The following FRAS1 variants were observed in gnomAD, a reference collection of about 807,000 sequenced individuals.
FRAS1 encodes Fraser extracellular matrix complex subunit 1.
FRAS1 carries 290 observed loss-of-function variants against 435.2 expected under a neutral mutation model. That is an observed-to-expected ratio of 0.67 (90% CI 0.61 to 0.73). The LOEUF is 0.73. Ranked by LOEUF, FRAS1 falls within the 30% of genes least tolerant of loss-of-function variation. The pLI, the probability that FRAS1 is intolerant of heterozygous loss-of-function variation, is 0.00. For synonymous variants in FRAS1, 1,800 were observed against 1,851.0 expected (o/e 0.97, Z 0.71); for missense variants, 4,860 against 5,001.5 (o/e 0.97, Z 0.85).
At chr4:78,132,448 A>G (rs114401966) in intron 2 of FRAS1, among the ~76,000 whole-genome samples, 1,551 of 152,332 alleles carry the variant, frequency 0.01, 29 homozygotes, top group African/African-American at 0.035. Flanking sequence ...AGTGCTCATC[A>G]TAAGCCCATA....
At chr4:78,079,362 G>C (rs1446446358) in intron 2 of FRAS1, among the ~76,000 whole-genome samples, 1 of 152,078 alleles carries the variant, frequency 6.6e-6, no homozygotes, top group African/African-American at 2.4e-5. Context: ...CAGATAGATG[G>C]GGTGGAATCA....
At chr4:78,364,861 A>G (rs543242110) in intron 22 of FRAS1, among the ~76,000 whole-genome samples, 6 of 152,362 alleles carry the variant, frequency 3.9e-5, no homozygotes, top group South Asian at 2.1e-4. Context: ...ACCATGCTGA[A>G]GGAATTGTGG....
chr4:78,444,734 A>G (rs1718736923), intron 41 of FRAS1, among the ~76,000 whole-genome samples: 1 of 152,184 alleles, frequency 6.6e-6, no homozygotes, highest in Non-Finnish European at 1.5e-5. Context: ...GGCCTTTTGC[A>G]GTGTTTGGGG....
Position 78,543,581 on chromosome 4 carries a change from C to T in FRAS1, c.*2457C>T, listed in dbSNP as rs1722121610. On this transcript the variant is annotated 3_prime_UTR_variant, in exon 74 of 74. Coordinates refer to ENST00000512123, the MANE Select transcript of FRAS1 (RefSeq NM_025074.7). ...AAGCCCTTGCAGTATTTCTGCCTCC[C>T]TTTCTTTCTGCCTTTCACCCCACTA... is the stretch of plus-strand genomic sequence containing the variant. 6.6e-6 allele frequency: 1 copy of T among 152,218 alleles called. No individual in the cohort carries two copies. The highest frequency in any genetic ancestry group is 2.1e-4 in the South Asian group (1 of 4,838). The allele number at this position is 152,218 out of a possible 1,614,324, so 9.4% of individuals were successfully genotyped here. A position where few individuals can be genotyped will look rare whatever the true frequency, so the allele number is the denominator to read the frequency against.
At chr4:78,406,713 T>C (rs375701115) in intron 30 of FRAS1, among the ~76,000 whole-genome samples, 1 of 152,140 alleles carries the variant, frequency 6.6e-6, no homozygotes, top group African/African-American at 2.4e-5. Context: ...TATTATTTTC[T>C]TTTTACGAAT....
intron 2 of FRAS1, among the ~76,000 whole-genome samples, chr4:78,209,068 C>A (rs1723390658): frequency 6.6e-6 from 1 of 151,872 alleles, no homozygotes; most frequent in Non-Finnish European, 1.5e-5. Flanking sequence ...TTTCTTGAGC[C>A]AGGGAGGTCA....
intron 2 of FRAS1, among the ~76,000 whole-genome samples, chr4:78,227,309 T>A (rs1266101296): frequency 6.6e-6 from 1 of 152,222 alleles, no homozygotes; most frequent in Non-Finnish European, 1.5e-5. Flanking sequence ...TGCAGTTATG[T>A]CTCACTCATT....
chr4:78,504,984 A>G (rs997120328), intron 61 of FRAS1, among the ~76,000 whole-genome samples: 12 of 152,278 alleles, frequency 7.9e-5, no homozygotes, highest in African/African-American at 2.4e-4. Context: ...TCACTTATGA[A>G]GCTTAGTTTG....
intron 20 of FRAS1, among the ~76,000 whole-genome samples, chr4:78,361,432 G>T (rs374521715): frequency 6.6e-6 from 1 of 152,306 alleles, no homozygotes; most frequent in South Asian, 2.1e-4. Flanking sequence ...CTTGTAATTT[G>T]TAACTCCCAA....
chr4:78,167,910 A>G (rs949592882), intron 2 of FRAS1, among the ~76,000 whole-genome samples: 13 of 152,086 alleles, frequency 8.5e-5, no homozygotes, highest in Admixed American at 6.5e-4. Context: ...CTAAGGTGAT[A>G]TTAGTGTACT....
At chr4:78,396,448 GT>G in intron 29 of FRAS1, among the ~76,000 whole-genome samples, 1 of 152,308 alleles carries the variant, frequency 6.6e-6, no homozygotes, top group Admixed American at 6.5e-5. Flanking sequence ...CTCAGCCTTT[GT>G]CTGGGAAAGG....
chr4:78,345,250 G>A (rs575912580), intron 20 of FRAS1, among the ~76,000 whole-genome samples: 1 of 152,180 alleles, frequency 6.6e-6, no homozygotes, highest in East Asian at 1.9e-4. Context: ...ATCATCCCCG[G>A]AAGCCCCCCT....
In FRAS1 at chr4:78,419,048, C is replaced by G. The variant is rs775886221; in HGVS notation, c.4525C>G (p.Leu1509Val). 2 of 1,564,118 alleles carry G rather than the reference C, an allele frequency of 1.3e-6. No homozygotes were observed. The highest frequency in any genetic ancestry group is 2.4e-5 in the South Asian group (2 of 82,250). ...GATTGTCTACAACATCACTCTACCT[C>G]TGCATCCAAATCAAGGTAAGATGTG... ...GKIVYNITLP[L>V]HPNQGIIEHR... The change falls in exon 33 of 74, where the codon CTG becomes GTG. Residue 1509 changes from leucine (L) to valine (V), a missense_variant. Coordinates refer to ENST00000512123, the MANE Select transcript of FRAS1 (RefSeq NM_025074.7).
chr4:78,263,689 T>C (rs1364717400), intron 6 of FRAS1, among the ~76,000 whole-genome samples: 4 of 152,234 alleles, frequency 2.6e-5, no homozygotes, highest in Admixed American at 1.3e-4. Flanking sequence ...AAACACTAAA[T>C]GATTTCAGTG....
intron 2 of FRAS1, among the ~76,000 whole-genome samples, chr4:78,162,320 A>G (rs893023316): frequency 6.6e-6 from 1 of 152,172 alleles, no homozygotes; most frequent in South Asian, 2.1e-4. Context: ...ATAGGAATTT[A>G]TGATTATGTG....
At position 78,543,458 on chromosome 4, in the gene FRAS1, G is replaced by A. The variant is rs1035244735; in HGVS notation, c.*2334G>A. On this transcript the variant is annotated 3_prime_UTR_variant, in exon 74 of 74. Coordinates refer to ENST00000512123, the MANE Select transcript of FRAS1 (RefSeq NM_025074.7). ...GGCAGAATGAAGCTAGAGTGGGAAG[G>A]ACTAAAGACTGAGCCCCAGAGTGCT... The A allele has an allele frequency of 1.3e-5, 2 of 152,246 alleles. No homozygotes were observed. The highest frequency in any genetic ancestry group is 2.9e-5 in the Non-Finnish European group (2 of 68,088). The allele number at this position is 152,246 out of a possible 1,614,324, so 9.4% of individuals were successfully genotyped here.
At chr4:78,325,751 G>A (rs1016830355) in intron 18 of FRAS1, among the ~76,000 whole-genome samples, 15 of 152,206 alleles carry the variant, frequency 9.9e-5, no homozygotes, top group African/African-American at 3.1e-4. Flanking sequence ...CATAATAGCA[G>A]TAGTCACAAG....
chr4:78,408,980 G>A (rs1000812366), intron 31 of FRAS1, among the ~76,000 whole-genome samples: 2 of 151,482 alleles, frequency 1.3e-5, no homozygotes, highest in African/African-American at 4.8e-5. Flanking sequence ...AAAATTAGCT[G>A]GGCATGGTGG....
At chr4:78,519,535 G>T (rs550568583) in intron 67 of FRAS1, 54 bp downstream of exon 67, 2 of 1,568,124 alleles carry the variant, frequency 1.3e-6, no homozygotes, top group Non-Finnish European at 1.7e-6. Context: ...ACTCAAGCAA[G>T]ATTAAAAGAA....
Sources: gnomAD v4.1 joint callset for allele counts (sites outside exome capture counted in the v4.1 genomes callset) on GRCh38, gnomAD v4.1.1 for gene constraint, MANE v1.5 for transcripts, NCBI Gene and HGNC (gene_info 2026-07-23, HGNC 2026-07-21) for gene names.